Variants in UNC5C observed in about 807,000 individuals in gnomAD.
The protein encoded by UNC5C is unc-5 netrin receptor C, also known as netrin receptor UNC5C.
A neutral mutation model predicts 99.8 loss-of-function variants in UNC5C; 47 were observed. That is an observed-to-expected ratio of 0.47 (90% confidence interval 0.37 to 0.60). The LOEUF is 0.60. Among genes scored for constraint, UNC5C ranks in the 20% least tolerant of loss-of-function variants. The pLI is 0.00. For synonymous variants in UNC5C, 487 were observed against 452.2 expected (o/e 1.08, Z -0.98); for missense variants, 1,062 against 1,165.9 (o/e 0.91, Z 1.30).
At chr4:95,515,485 G>T (rs1351499287) in intron 1 of UNC5C, among the ~76,000 whole-genome samples, 1 of 152,168 alleles carries the variant, frequency 6.6e-6, no homozygotes, top group Non-Finnish European at 1.5e-5. Flanking sequence ...GAACTTTAAG[G>T]TATTTCTGCT....
At chr4:95,402,054 T>C (rs1221667080) in intron 1 of UNC5C, among the ~76,000 whole-genome samples, 1 of 152,230 alleles carries the variant, frequency 6.6e-6, no homozygotes, top group Non-Finnish European at 1.5e-5. Context: ...AATTATCTAG[T>C]TTTTGTCTAA....
chr4:95,380,971 TTTG>T (rs1745052106), intron 1 of UNC5C, among the ~76,000 whole-genome samples: 1 of 152,194 alleles, frequency 6.6e-6, no homozygotes, highest in South Asian at 2.1e-4. Context: ...GCAATGAATA[TTTG>T]TTAAGTATGT....
At chr4:95,431,235 C>A (rs1320245613) in intron 1 of UNC5C, among the ~76,000 whole-genome samples, 1 of 152,036 alleles carries the variant, frequency 6.6e-6, no homozygotes, top group East Asian at 1.9e-4. Flanking sequence ...CTTATGCTCA[C>A]CCCCATACCA....
intron 1 of UNC5C, among the ~76,000 whole-genome samples, chr4:95,380,443 ATTTT>A (rs10560399): frequency 2.0e-4 from 26 of 132,932 alleles, no homozygotes; most frequent in African/African-American, 4.4e-4. Context: ...CTTAAGAAAC[ATTTT>A]TTTTTTTTTT....
chr4:95,301,713 C>A lies in UNC5C; in HGVS notation c.383G>T (p.Arg128Leu). The change falls in exon 3 of 16, where the codon CGC becomes CTC. Residue 128 changes from arginine to leucine, a missense_variant. Physicochemically the swap from Arg to Leu is moderately radical, Grantham distance 102. Around this residue, in one of 3 missense-constraint regions of UNC5C, gnomAD observed 249 missense variants for 295.1 expected, o/e 0.84. Coordinates refer to ENST00000453304, the MANE Select transcript of UNC5C (RefSeq NM_003728.4). ...IVREVSIEISRQQVEELFGPE... is the reference protein window; with the variant it reads ...IVREVSIEISLQQVEELFGPE... ...TCCAAAGAGTTCTTCCACTTGCTGG[C>A]GCGAAATCTCAATGCTCACTTCCCG... 6.2e-7 allele frequency: 1 copy of A among 1,613,108 alleles called. No homozygotes were observed. The highest frequency in any genetic ancestry group is 8.5e-7 in the Non-Finnish European group (1 of 1,179,996).
rs759183260 is a variant in UNC5C at position 95,245,160 on chromosome 4, CA to C, written c.776-17del. 3.8e-5 allele frequency: 61 copies of C among 1,607,264 alleles called. No individual in the cohort carries two copies. The highest frequency in any genetic ancestry group is 1.7e-4 in the Middle Eastern group (1 of 5,938). On this transcript the variant is annotated splice_polypyrimidine_tract_variant and intron_variant, in intron 5 of 15. Transcript: ENST00000453304. ...CCACCGTTGACTGAAAGGAGGCAAA[CA>C]GTAAAAAGTGGATTAAACATGTGTG...
At chr4:95,201,166 C>G (rs978310956) in intron 12 of UNC5C, among the ~76,000 whole-genome samples, 1 of 152,100 alleles carries the variant, frequency 6.6e-6, no homozygotes, top group Non-Finnish European at 1.5e-5. Context: ...CCACCCAGTC[C>G]GTGGTACTTT....
intron 12 of UNC5C, among the ~76,000 whole-genome samples, chr4:95,187,807 A>G (rs901838498): frequency 1.3e-4 from 20 of 152,116 alleles, no homozygotes; most frequent in Non-Finnish European, 2.2e-4. Context: ...CCATTTCTCC[A>G]TCACCCAGGA....
Position 95,175,014 on chromosome 4 carries a change from T to C in UNC5C, c.2452-4682A>G, listed in dbSNP as rs896765414. 5.1e-4 allele frequency among the ~76,000 whole-genome samples: 78 copies of C among 152,058 alleles called. 1 individual carries two copies. The East Asian group carries it at 0.015, about 29-fold the overall frequency. On this transcript the variant is annotated intron_variant, in intron 14 of 15. Coordinates refer to ENST00000453304, the MANE Select transcript of UNC5C (RefSeq NM_003728.4). ...ATTATGTAATGGCCTTCTTTGTCTT[T>C]TTTGATCTTTGTTGGTTTAAAGTCT...
chr4:95,480,509 A>G (rs776354801), intron 1 of UNC5C, among the ~76,000 whole-genome samples: 1 of 151,908 alleles, frequency 6.6e-6, no homozygotes, highest in Non-Finnish European at 1.5e-5. Flanking sequence ...GTCATTTTCT[A>G]CCATTATACA....
At chr4:95,353,247 A>T (rs1161099987) in intron 1 of UNC5C, among the ~76,000 whole-genome samples, 1 of 152,090 alleles carries the variant, frequency 6.6e-6, no homozygotes, top group Non-Finnish European at 1.5e-5. Context: ...CACACACCTA[A>T]GCGGGTTCTA....
At chr4:95,503,253 C>A (rs1314025022) in intron 1 of UNC5C, among the ~76,000 whole-genome samples, 1 of 152,068 alleles carries the variant, frequency 6.6e-6, no homozygotes, top group Non-Finnish European at 1.5e-5. Context: ...TCACCCTCTC[C>A]CCTTTCACCA....
chr4:95,371,600 T>C (rs1352803667), intron 1 of UNC5C, among the ~76,000 whole-genome samples: 1 of 152,194 alleles, frequency 6.6e-6, no homozygotes, highest in Non-Finnish European at 1.5e-5. Context: ...CTCTGTGTCT[T>C]GTTTTTTTCA....
chr4:95,356,893 C>T (rs955320374), intron 1 of UNC5C, among the ~76,000 whole-genome samples: 13 of 152,046 alleles, frequency 8.6e-5, no homozygotes, highest in African/African-American at 3.1e-4. Context: ...AAAACTGTCT[C>T]GTTTTATATA....
intron 4 of UNC5C, among the ~76,000 whole-genome samples, chr4:95,256,714 A>ATATATATATATATATATATG (rs1579272889): frequency 1.6e-5 from 2 of 127,338 alleles, no homozygotes; most frequent in South Asian, 2.7e-4. Context: ...ATATATATAT[A>ATATATATATATATATATATG]TATATATGAG....
At chr4:95,288,653 T>G (rs4504262) in intron 3 of UNC5C, among the ~76,000 whole-genome samples, 117,700 of 152,180 alleles carry the variant, frequency 0.77, 46,460 homozygotes, top group African/African-American at 0.95. Flanking sequence ...CCCTCTGGAG[T>G]TTCTTAGGGA....
At chr4:95,392,692 C>T (rs945559572) in intron 1 of UNC5C, among the ~76,000 whole-genome samples, 15 of 152,110 alleles carry the variant, frequency 9.9e-5, no homozygotes, top group East Asian at 1.9e-4. Context: ...CCTCCCTCCT[C>T]GGCCTCCTAA....
intron 1 of UNC5C, among the ~76,000 whole-genome samples, chr4:95,491,141 G>A (rs369744193): frequency 2.0e-5 from 3 of 151,170 alleles, no homozygotes; most frequent in East Asian, 3.9e-4. Flanking sequence ...TTTCAATGAC[G>A]GGCCAAAAAA....
intron 12 of UNC5C, among the ~76,000 whole-genome samples, chr4:95,195,573 G>A (rs1737345692): frequency 6.6e-6 from 1 of 152,148 alleles, no homozygotes; most frequent in Non-Finnish European, 1.5e-5. Flanking sequence ...GGAGTTCAGA[G>A]TTCGGTAAGG....
Sources: gnomAD v4.1 joint callset for allele counts (sites outside exome capture counted in the v4.1 genomes callset) on GRCh38, gnomAD v4.1.1 for gene constraint, gnomAD v4.1.1 regional missense constraint, MANE v1.5 for transcripts, NCBI Gene and HGNC (gene_info 2026-07-23, HGNC 2026-07-21) for gene names.